The following CRB1 variants were observed in gnomAD, a reference collection of about 807,000 sequenced individuals.
CRB1 encodes protein crumbs homolog 1.
A neutral mutation model predicts 120.0 loss-of-function variants in CRB1; 83 were observed. That is an observed-to-expected ratio of 0.69 (90% CI 0.58 to 0.83). CRB1 has a LOEUF of 0.83. CRB1 is among the 40% of genes least tolerant of loss of function. The pLI is 0.00. For synonymous variants in CRB1, 625 were observed against 612.5 expected (o/e 1.02, Z -0.30); for missense variants, 1,699 against 1,687.6 (o/e 1.01, Z -0.12).
intron 5 of CRB1, among the ~76,000 whole-genome samples, chr1:197,413,243 C>T (rs1463180865): frequency 6.6e-6 from 1 of 152,118 alleles, no homozygotes; most frequent in Non-Finnish European, 1.5e-5. Context: ...TCAAACACCT[C>T]ACATATTCAA....
At chr1:197,365,626 C>CTTTTT (rs375542477) in intron 5 of CRB1, among the ~76,000 whole-genome samples, 79 of 121,866 alleles carry the variant, frequency 6.5e-4, no homozygotes, top group African/African-American at 2.5e-3. Flanking sequence ...TCTTCTTCTT[C>CTTTTT]TTTTTTTTTT....
rs779943125 is a variant in CRB1 at position 197,427,523 on chromosome 1, A to G, written c.2198A>G (p.Tyr733Cys). Residue 733 changes from tyrosine to cysteine, a missense_variant, in exon 7 of 12, where the codon TAT (tyrosine) becomes TGT (cysteine). Coordinates refer to ENST00000367400, the MANE Select transcript of CRB1 (RefSeq NM_201253.3). ...GTCATCTTTACTCTTGATGAGAGCTATGGAGACACCATCAGCCTCTCCATG... is the reference window on the plus strand; with the variant it reads ...GTCATCTTTACTCTTGATGAGAGCTGTGGAGACACCATCAGCCTCTCCATG... ...GYVIFTLDESYGDTISLSMFV... is the reference protein window; with the variant it reads ...GYVIFTLDESCGDTISLSMFV... 12 of 1,613,872 alleles carry G rather than the reference A, an allele frequency of 7.4e-6. No homozygotes were observed. In the Admixed American group the frequency reaches 8.3e-5, roughly 11 times the overall value.
chr1:197,324,745 T>G (rs761695852), intron 1 of CRB1, among the ~76,000 whole-genome samples: 3 of 152,176 alleles, frequency 2.0e-5, no homozygotes, highest in Non-Finnish European at 2.9e-5. Context: ...CTCCACATCA[T>G]TTTCTTTAGT....
chr1:197,268,209 CG>C, upstream of CRB1: 1 of 544,064 alleles, frequency 1.8e-6, no homozygotes, highest in Non-Finnish European at 3.3e-6. Flanking sequence ...CCCATCCTCC[CG>C]TGTAAGTGAT....
At chr1:197,446,107 T>C (rs1377243597) in intron 11 of CRB1, among the ~76,000 whole-genome samples, 3 of 151,986 alleles carry the variant, frequency 2.0e-5, no homozygotes, top group African/African-American at 7.3e-5. Flanking sequence ...GGAGAATCAC[T>C]TTAACCCGGG....
At position 197,289,532 on chromosome 1, in the gene CRB1, T is replaced by C. The variant is rs568880419; in HGVS notation, c.70+21050T>C. Reference sequence around the variant, plus strand: ...CTTAAGACTTTTTGAGCTTCTTGAATGTGAAGTTTCACAAACCTCGTGGGT... The same window carrying C: ...CTTAAGACTTTTTGAGCTTCTTGAACGTGAAGTTTCACAAACCTCGTGGGT... On this transcript the variant is annotated intron_variant, in intron 1 of 11. Coordinates refer to ENST00000367400, the MANE Select transcript of CRB1 (RefSeq NM_201253.3). Among the ~76,000 whole-genome samples the C allele has an allele frequency of 1.3e-4, 20 of 151,964 alleles. No homozygotes were observed. The East Asian group carries it at 3.7e-3, about 28-fold the overall frequency.
At chr1:197,472,306 T>C (rs979971624) in intron 11 of CRB1, among the ~76,000 whole-genome samples, 10 of 152,214 alleles carry the variant, frequency 6.6e-5, no homozygotes, top group African/African-American at 2.4e-4. Context: ...TGTGGTGTTT[T>C]CCAGGAGCCA....
intron 1 of CRB1, among the ~76,000 whole-genome samples, chr1:197,323,246 C>G (rs1326409725): frequency 6.6e-6 from 1 of 152,086 alleles, no homozygotes; most frequent in African/African-American, 2.4e-5. Context: ...ACTTAGCACA[C>G]TGATAAGTCT....
At chr1:197,329,515 C>T (rs1172307856) in intron 2 of CRB1, among the ~76,000 whole-genome samples, 1 of 152,138 alleles carries the variant, frequency 6.6e-6, no homozygotes, top group East Asian at 1.9e-4. Flanking sequence ...TCTTGTTTTA[C>T]GTCTTAGAGC....
the CRB1 span, among the ~76,000 whole-genome samples, chr1:197,210,284 T>G: frequency 6.6e-6 from 1 of 152,156 alleles, no homozygotes; most frequent in Non-Finnish European, 1.5e-5. Flanking sequence ...GAGGGGTGTT[T>G]TATATGTGAT....
intron 1 of CRB1, among the ~76,000 whole-genome samples, chr1:197,316,113 A>G (rs570548122): frequency 6.6e-6 from 1 of 152,322 alleles, no homozygotes; most frequent in East Asian, 1.9e-4. Flanking sequence ...CATCATTGCC[A>G]TCATCATTCT....
rs532050263 is a variant in CRB1 at position 197,418,222 on chromosome 1, T to G, written c.1172-2778T>G. On this transcript the variant is annotated intron_variant, in intron 5 of 11. Transcript: ENST00000367400. Reference sequence around the variant, plus strand: ...AAATCCTTTGAAAATCAAGTTTAAGTAAAATATCTTCTAATACAAAAGTTT... The same window carrying G: ...AAATCCTTTGAAAATCAAGTTTAAGGAAAATATCTTCTAATACAAAAGTTT... Among the ~76,000 whole-genome samples the G allele has an allele frequency of 2.0e-5, 3 of 152,338 alleles. No homozygotes were observed. The East Asian group carries it at 5.8e-4, about 29-fold the overall frequency.
chr1:197,249,139 A>G, the CRB1 span, among the ~76,000 whole-genome samples: 1 of 151,880 alleles, frequency 6.6e-6, no homozygotes, highest in South Asian at 2.1e-4. Context: ...CACACCATAC[A>G]TATCATTTTT....
At chr1:197,232,628 T>A in the CRB1 span, among the ~76,000 whole-genome samples, 1 of 152,130 alleles carries the variant, frequency 6.6e-6, no homozygotes, top group South Asian at 2.1e-4. Flanking sequence ...TAGTTAAAAA[T>A]TCATGATTCC....
chr1:197,344,341 C>G lies in CRB1; in HGVS notation c.713C>G (p.Thr238Ser). 6.2e-7 allele frequency: 1 copy of G among 1,614,170 alleles called. No individual in the cohort carries two copies. Among genetic ancestry groups the G allele is most frequent in the Non-Finnish European group, 8.5e-7 (1 of 1,180,004 alleles). The change falls in exon 3 of 12, where the codon ACT becomes AGT. Residue 238 changes from threonine (T) to serine (S), a missense_variant. Physicochemically the swap from Thr to Ser is moderately conservative, Grantham distance 58. Transcript: ENST00000367400. ...CWSQPCLNGATCQDALGAYFC... is the reference protein window; with the variant it reads ...CWSQPCLNGASCQDALGAYFC... ...TCCCAGCCTTGTTTAAATGGTGCAA[C>G]TTGTCAGGATGCTCTGGGGGCCTAT...
chr1:197,294,219 A>G (rs962446043), intron 1 of CRB1, among the ~76,000 whole-genome samples: 5 of 152,196 alleles, frequency 3.3e-5, no homozygotes, highest in African/African-American at 4.8e-5. Context: ...ATTTACAAGA[A>G]AAAATCAAAC....
In CRB1 at chr1:197,421,633, A is replaced by G. The variant is rs747567264; in HGVS notation, c.1805A>G (p.Asp602Gly). The G allele has an allele frequency of 1.2e-6, 2 of 1,614,204 alleles. No homozygotes were observed. Among genetic ancestry groups the G allele is most frequent in the South Asian group, 2.2e-5 (2 of 91,084 alleles). ...AAAGCTCCTACTCCACTTGAAAGTG[A>G]TCAATCAATATGTGCTTTTCAGAAC... ...IAKAPTPLES[D>G]QSICAFQNSF... Residue 602 changes from aspartate (D) to glycine (G), a missense_variant, in exon 6 of 12, where the codon GAT (aspartate) becomes GGT (glycine). By Grantham distance (94) the Asp-to-Gly change is moderately conservative. Coordinates refer to ENST00000367400, the MANE Select transcript of CRB1 (RefSeq NM_201253.3).
At chr1:197,465,537 G>C (rs201401808) in intron 11 of CRB1, among the ~76,000 whole-genome samples, 12 of 152,096 alleles carry the variant, frequency 7.9e-5, no homozygotes, top group East Asian at 5.8e-4. Context: ...TATCTTTGCT[G>C]GTTGTCAGGT....
intron 2 of CRB1, among the ~76,000 whole-genome samples, chr1:197,334,468 T>C (rs1427099192): frequency 6.6e-6 from 1 of 152,106 alleles, no homozygotes; most frequent in African/African-American, 2.4e-5. Flanking sequence ...AATGGATTAA[T>C]ACCATAATAA....
Sources: allele counts gnomAD v4.1 joint callset (sites outside exome capture counted in the v4.1 genomes callset), GRCh38; gene constraint gnomAD v4.1.1; transcripts MANE v1.5; gene names NCBI Gene and HGNC (gene_info 2026-07-23, HGNC 2026-07-21).